Variants in CDK11A observed in about 807,000 individuals in gnomAD.
CDK11A encodes the protein cyclin dependent kinase 11A.
In CDK11A, 55 loss-of-function variants were observed where a neutral mutation model predicts 83.6. That is an observed-to-expected ratio of 0.66 (90% CI 0.53 to 0.82). The LOEUF (loss-of-function observed/expected upper bound fraction) is 0.82. Among genes scored for constraint, CDK11A ranks in the 40% least tolerant of loss-of-function variants. CDK11A has a pLI of 0.00. For synonymous variants in CDK11A, 247 were observed against 302.7 expected (o/e 0.82, Z 1.91); for missense variants, 564 against 810.1 (o/e 0.70, Z 3.69).
rs1270742355 is a variant in CDK11A at position 1,714,343 on chromosome 1, A to C, written c.489-1943T>G. On this transcript the variant is annotated intron_variant, in intron 5 of 19. Transcript: ENST00000404249. The stretch of plus-strand genomic sequence containing the variant: ...CTGTTCTTCAGAATGGATAATTTCT[A>C]CTGCTCCATCCACAAGTTGTTTCCA... 1.6e-4 allele frequency among the ~76,000 whole-genome samples: 7 copies of C among 43,422 alleles called. 3 individuals carry two copies. The highest frequency in any genetic ancestry group is 7.0e-4 in the Non-Finnish European group (6 of 8,590). The allele number at this position is 43,422 out of a possible 152,430, so 28.5% of individuals were successfully genotyped here. A position where few individuals can be genotyped will look rare whatever the true frequency, so the allele number is the denominator to read the frequency against.
Position 1,721,588 on chromosome 1 carries a change from C to A in CDK11A, c.227+8G>T, listed in dbSNP as rs770387234. The A allele has an allele frequency of 1.9e-6, 3 of 1,605,394 alleles. No homozygotes were observed. The East Asian group carries it at 6.7e-5, about 36-fold the overall frequency. On this transcript the variant is annotated splice_region_variant and intron_variant, in intron 3 of 19. Coordinates refer to ENST00000404249, the MANE Select transcript of CDK11A (RefSeq NM_024011.4). Reference sequence around the variant, plus strand: ...AGTTGGGTCTTGCACATCTGTACATCCGCTCACCTGTCTTCCATTGAGTCT... The same window carrying A: ...AGTTGGGTCTTGCACATCTGTACATACGCTCACCTGTCTTCCATTGAGTCT...
chr1:1,720,818 A>G (rs1644878201), intron 3 of CDK11A, among the ~76,000 whole-genome samples: 2 of 151,238 alleles, frequency 1.3e-5, no homozygotes, highest in African/African-American at 4.9e-5. Context: ...CAGCCTCCTG[A>G]GTAGCTGGGA....
chr1:1,710,289 T>A (rs1174403153), intron 6 of CDK11A, among the ~76,000 whole-genome samples: 2 of 6,728 alleles, frequency 3.0e-4, no homozygotes, highest in African/African-American at 5.9e-4. Flanking sequence ...CGTCCCCCGT[T>A]GCCCCCTTCA....
rs766812189 is a variant in CDK11A, at chr1:1,703,839, G to T, written c.1896C>A (p.Ile632=). 27 of 1,609,636 alleles carry T rather than the reference G, an allele frequency of 1.7e-5. 1 individual carries two copies. The highest frequency in any genetic ancestry group is 4.4e-5 in the South Asian group (4 of 90,788). The change falls in exon 17 of 20, where the codon ATC becomes ATA. Residue 632 remains isoleucine, a synonymous_variant. Transcript: ENST00000404249. ...CCAGACCCACCTTGAACACTTTGTT[G>T]ATCTGATCGATTTCCGAATTCCCGG... ...LFPGNSEIDQ[I]NKVFKELGTP... is the part of the protein sequence containing the mutation.
intron 4 of CDK11A, among the ~76,000 whole-genome samples, chr1:1,717,624 TCTCTCTGGTTTTCGGTCTGTG>T: frequency 2.3e-5 from 1 of 44,374 alleles, no homozygotes; most frequent in Admixed American, 3.1e-4. Context: ...TAGAGTTTGC[TCTCTCTGGTTTTCGGTCTGTG>T]ACACACGCAT....
chr1:1,715,315 G>A (rs1252561509), intron 5 of CDK11A, among the ~76,000 whole-genome samples: 3 of 128,012 alleles, frequency 2.3e-5, no homozygotes, highest in African/African-American at 8.1e-5. Flanking sequence ...GATCTGAATC[G>A]GCCCTACCCA....
intron 3 of CDK11A, 70 bp downstream of exon 3, chr1:1,721,526 G>A (rs1359923403): frequency 6.6e-7 from 1 of 1,521,780 alleles, no homozygotes; most frequent in East Asian, 2.3e-5. Flanking sequence ...TTGTCACAGT[G>A]ACCCTAGGAA....
chr1:1,715,564 C>T (rs1466779782), intron 5 of CDK11A, among the ~76,000 whole-genome samples: 1 of 148,224 alleles, frequency 6.7e-6, no homozygotes, highest in African/African-American at 2.4e-5. Context: ...GACCTTGACC[C>T]CTGGGCCTCA....
rs550898165 is a variant in CDK11A at position 1,718,689 on chromosome 1, T to C, written c.355+639A>G. ...TTGCTCTGTCGCCCAGGCTAGAGTG[T>C]GCAGTGGTGCGATAGCGGCTCACTG... On this transcript the variant is annotated intron_variant, in intron 4 of 19. Coordinates refer to ENST00000404249, the MANE Select transcript of CDK11A (RefSeq NM_024011.4). Among the ~76,000 whole-genome samples, 352 of 147,332 alleles carry C rather than the reference T, an allele frequency of 2.4e-3. 14 individuals carry two copies. Among genetic ancestry groups the C allele is most frequent in the African/African-American group, 8.5e-3 (342 of 40,264 alleles).
At position 1,716,903 on chromosome 1, in the gene CDK11A, G is replaced by GTTAATA. The variant is rs1361457021; in HGVS notation, c.356-426_356-425insTATTAA. Among the ~76,000 whole-genome samples, 2 of 135,494 alleles carry GTTAATA rather than the reference G, an allele frequency of 1.5e-5. 1 individual carries two copies. The highest frequency in any genetic ancestry group is 3.1e-5 in the Non-Finnish European group (2 of 64,256). The allele number at this position is 135,494 out of a possible 152,430, so 88.9% of individuals were successfully genotyped here. A position where few individuals can be genotyped will look rare whatever the true frequency, so the allele number is the denominator to read the frequency against. The stretch of plus-strand genomic sequence containing the variant: ...GAACATTAAATATTTAAATAATGAT[G>GTTAATA]TTAAGTAATCCTAATCTTTTTTTTT... On this transcript the variant is annotated intron_variant, in intron 4 of 19. Transcript: ENST00000404249.
chr1:1,708,349 T>C, intron 9 of CDK11A, 104 bp from the exon 10 acceptor site: 7 of 1,466,056 alleles, frequency 4.8e-6, no homozygotes, highest in Non-Finnish European at 4.6e-6. Context: ...TTCCCAAGAA[T>C]GGATATGGAG....
intron 11 of CDK11A, among the ~76,000 whole-genome samples, chr1:1,706,862 G>A (rs1644332564): frequency 1.3e-5 from 2 of 149,716 alleles, no homozygotes; most frequent in Non-Finnish European, 3.0e-5. Context: ...AGGGGGCCGA[G>A]TCCCTGCCGG....
At chr1:1,706,700 C>T (rs1298934303) in intron 11 of CDK11A, among the ~76,000 whole-genome samples, 2 of 151,372 alleles carry the variant, frequency 1.3e-5, no homozygotes, top group South Asian at 4.2e-4. Flanking sequence ...GGGGCCGGTG[C>T]CCAGGCCGGA....
At chr1:1,715,648 C>G (rs1416604408) in intron 5 of CDK11A, among the ~76,000 whole-genome samples, 1 of 150,964 alleles carries the variant, frequency 6.6e-6, no homozygotes, top group Non-Finnish European at 1.5e-5. Context: ...GTACCCAGCC[C>G]TGGCTGCTGG....
chr1:1,702,711 C>G lies in CDK11A; in HGVS notation c.*196G>C, dbSNP rs1311687834. The G allele has an allele frequency of 2.2e-5, 14 of 624,660 alleles. No homozygotes were observed. The highest frequency in any genetic ancestry group is 3.7e-5 in the Non-Finnish European group (13 of 353,236). The allele number at this position is 624,660 out of a possible 1,614,324, so 38.7% of individuals were successfully genotyped here. A position where few individuals can be genotyped will look rare whatever the true frequency, so the allele number is the denominator to read the frequency against. On this transcript the variant is annotated 3_prime_UTR_variant, in exon 20 of 20. Transcript: ENST00000404249. Reference sequence around the variant, plus strand: ...GGCACCCGAAGATGCCCTGGCAAGTCACGGAGAAAACACAGCTCTTTCCTC... The same window carrying G: ...GGCACCCGAAGATGCCCTGGCAAGTGACGGAGAAAACACAGCTCTTTCCTC...
rs778129644 is a variant in CDK11A, at chr1:1,716,455, T to C, written c.379A>G (p.Arg127Gly). 1 of 1,608,806 alleles carries C rather than the reference T, an allele frequency of 6.2e-7. No homozygotes were observed. Among genetic ancestry groups the C allele is most frequent in the Non-Finnish European group, 8.5e-7 (1 of 1,176,444 alleles). ...EGGKHARVKE[R>G]EHERRKRHRE... ...TGTCGTTTCCGACGTTCGTGCTCTCTTTCTTTCACTCTAGCATGCTTCCCT... is the reference window on the plus strand; with the variant it reads ...TGTCGTTTCCGACGTTCGTGCTCTCCTTCTTTCACTCTAGCATGCTTCCCT... The change falls in exon 5 of 20, where the codon AGA becomes GGA. Residue 127 changes from arginine (R) to glycine (G), a missense_variant. Arg to Gly is a moderately radical substitution (Grantham distance 125). Around this residue, in one of 5 missense-constraint regions of CDK11A, gnomAD observed 151 missense variants for 147.4 expected, o/e 1.02. Transcript: ENST00000404249.
Position 1,715,542 on chromosome 1 carries a change from G to A in CDK11A, c.488+804C>T, listed in dbSNP as rs560295130. ...GGCCAACTGAAACCTTGCTCACCCAGCAGCGGTCTCGGACCTTGACCCCTG... is the reference window on the plus strand; with the variant it reads ...GGCCAACTGAAACCTTGCTCACCCAACAGCGGTCTCGGACCTTGACCCCTG... On this transcript the variant is annotated intron_variant, in intron 5 of 19. Transcript: ENST00000404249. 2.6e-3 allele frequency among the ~76,000 whole-genome samples: 373 copies of A among 142,774 alleles called. 2 individuals are homozygous for A. Among genetic ancestry groups the A allele is most frequent in the African/African-American group, 9.4e-3 (349 of 37,036 alleles). 93.7% of individuals were successfully genotyped at this position (142,774 alleles called of 152,430 possible). A position where few individuals can be genotyped will look rare whatever the true frequency, so the allele number is the denominator to read the frequency against.
rs1406651464 is a variant in CDK11A, at chr1:1,704,267, G to A, written c.1642C>T (p.Leu548Phe). ...LHDNWILHRD[L>F]KTSNLLLSHA... The stretch of plus-strand genomic sequence containing the variant: ...CTCAGCAGCAGGTTGGACGTCTTGA[G>A]GTCACGGTGCAGGATCCAGTTGTCG... Residue 548 changes from leucine to phenylalanine, a missense_variant, in exon 15 of 20, where the codon CTC (leucine) becomes TTC (phenylalanine). This residue lies in a region of CDK11A where 361 missense variants were observed against 402.7 expected (regional missense o/e 0.90). Coordinates refer to ENST00000404249, the MANE Select transcript of CDK11A (RefSeq NM_024011.4). The A allele has an allele frequency of 7.5e-6, 12 of 1,608,458 alleles. 1 individual carries two copies. The highest frequency in any genetic ancestry group is 3.3e-5 in the South Asian group (3 of 90,724).
chr1:1,705,981 G>A (rs1644292219), intron 11 of CDK11A, among the ~76,000 whole-genome samples: 2 of 150,326 alleles, frequency 1.3e-5, no homozygotes, highest in East Asian at 2.0e-4. Flanking sequence ...AAGGGCTCAG[G>A]CCTGTAATTC....
Sources: allele counts gnomAD v4.1 joint callset (sites outside exome capture counted in the v4.1 genomes callset), GRCh38; gene constraint gnomAD v4.1.1; regional missense constraint gnomAD v4.1.1; transcripts MANE v1.5; gene names NCBI Gene and HGNC (gene_info 2026-07-23, HGNC 2026-07-21).